The following PRKAG2 variants were observed in gnomAD, a reference collection of about 807,000 sequenced individuals.
The protein encoded by PRKAG2 is protein kinase AMP-activated non-catalytic subunit gamma 2.
Under a neutral mutation model 69.6 loss-of-function variants are expected in PRKAG2, and 26 were observed. The observed-to-expected ratio is 0.37, with a 90% CI of 0.27 to 0.52. The LOEUF is 0.52. PRKAG2 is among the 20% of genes least tolerant of loss of function. PRKAG2 has a pLI of 0.90. For synonymous variants in PRKAG2, 293 were observed against 285.0 expected (o/e 1.03, Z -0.28); for missense variants, 557 against 740.0 (o/e 0.75, Z 2.87).
chr7:151,691,683 T>C (rs950900229), intron 3 of PRKAG2, among the ~76,000 whole-genome samples: 31 of 152,310 alleles, frequency 2.0e-4, no homozygotes, highest in African/African-American at 6.5e-4. Context: ...TGACAATGAT[T>C]TGGAACAACA....
chr7:151,717,100 A>C (rs1796302916), intron 3 of PRKAG2, among the ~76,000 whole-genome samples: 1 of 152,138 alleles, frequency 6.6e-6, no homozygotes, highest in African/African-American at 2.4e-5. Flanking sequence ...TATAAAAATT[A>C]GTCGAGTTGG....
chr7:151,873,191 T>C (rs1207852245), intron 1 of PRKAG2, among the ~76,000 whole-genome samples: 1 of 152,184 alleles, frequency 6.6e-6, no homozygotes, highest in East Asian at 1.9e-4. Flanking sequence ...GAGGCGTGGC[T>C]CTTCACCTGG....
chr7:151,743,481 T>G (rs1405046354), intron 3 of PRKAG2, among the ~76,000 whole-genome samples: 1 of 152,228 alleles, frequency 6.6e-6, no homozygotes, highest in Non-Finnish European at 1.5e-5. Flanking sequence ...GTGGCTGTTC[T>G]TTTAGATTTC....
intron 3 of PRKAG2, among the ~76,000 whole-genome samples, chr7:151,775,509 T>G (rs2076296770): frequency 6.6e-6 from 1 of 152,182 alleles, no homozygotes; most frequent in African/African-American, 2.4e-5. Context: ...ACACATTGTT[T>G]GCTTGTTAAA....
At chr7:151,870,154 T>TAGATAGAC (rs1159760978) in intron 1 of PRKAG2, among the ~76,000 whole-genome samples, 3 of 138,438 alleles carry the variant, frequency 2.2e-5, no homozygotes, top group Non-Finnish European at 4.8e-5. Flanking sequence ...GATAGATAGA[T>TAGATAGAC]AGGCAGGCAG....
At chr7:151,735,926 C>T (rs982165764) in intron 3 of PRKAG2, 40 of 1,536,344 alleles carry the variant, frequency 2.6e-5, no homozygotes, top group South Asian at 4.8e-5. Context: ...CTCCGACTGG[C>T]GCCTCTCCGT....
intron 4 of PRKAG2, among the ~76,000 whole-genome samples, chr7:151,647,791 A>T (rs141075604): frequency 2.0e-5 from 3 of 152,358 alleles, no homozygotes; most frequent in Admixed American, 6.5e-5. Context: ...AATATAAAAA[A>T]ATCCTAATAT....
intron 11 of PRKAG2, among the ~76,000 whole-genome samples, chr7:151,568,350 C>T (rs2151006468): frequency 6.6e-6 from 1 of 152,302 alleles, no homozygotes; most frequent in South Asian, 2.1e-4. Flanking sequence ...GTAAAAGCAA[C>T]ATAAAGCAAT....
chr7:151,560,980 G>C (rs955924844), intron 14 of PRKAG2, among the ~76,000 whole-genome samples: 8 of 152,188 alleles, frequency 5.3e-5, no homozygotes, highest in Non-Finnish European at 1.0e-4. Flanking sequence ...AGTAGCCACA[G>C]ACAGACCCAT....
At chr7:151,823,437 G>A (rs1468184503) in intron 1 of PRKAG2, among the ~76,000 whole-genome samples, 1 of 150,042 alleles carries the variant, frequency 6.7e-6, no homozygotes, top group East Asian at 2.0e-4. Flanking sequence ...GGAAATAGGG[G>A]CTGTTGAATT....
At chr7:151,834,578 A>G (rs2079105450) in intron 1 of PRKAG2, among the ~76,000 whole-genome samples, 1 of 152,230 alleles carries the variant, frequency 6.6e-6, no homozygotes, top group African/African-American at 2.4e-5. Context: ...CGGGCTGAAC[A>G]TCCCATCTCC....
At chr7:151,666,639 C>G (rs2151443294) in intron 4 of PRKAG2, among the ~76,000 whole-genome samples, 1 of 152,298 alleles carries the variant, frequency 6.6e-6, no homozygotes, top group South Asian at 2.1e-4. Context: ...AATCTGAAGG[C>G]TTGACTGGGG....
chr7:151,759,770 C>T (rs900202604), intron 3 of PRKAG2, among the ~76,000 whole-genome samples: 2 of 152,238 alleles, frequency 1.3e-5, no homozygotes, highest in Non-Finnish European at 2.9e-5. Flanking sequence ...CAGAGGTGGG[C>T]TCCGCCTGGC....
intron 1 of PRKAG2, among the ~76,000 whole-genome samples, chr7:151,834,416 A>G (rs540320795): frequency 8.5e-5 from 13 of 152,230 alleles, no homozygotes; most frequent in Non-Finnish European, 1.8e-4. Context: ...CATTGTTTTC[A>G]GGGGAGGTGC....
intron 3 of PRKAG2, among the ~76,000 whole-genome samples, chr7:151,743,518 C>T (rs1004868392): frequency 3.9e-5 from 6 of 152,124 alleles, no homozygotes; most frequent in African/African-American, 1.4e-4. Flanking sequence ...TTTGACAACT[C>T]GAAAAAGAAA....
At chr7:151,860,208 G>A (rs572968351) in intron 1 of PRKAG2, among the ~76,000 whole-genome samples, 15 of 152,332 alleles carry the variant, frequency 9.8e-5, no homozygotes, top group African/African-American at 2.9e-4. Flanking sequence ...TCCAGCCTCC[G>A]TGGAGCCCCT....
chr7:151,632,111 C>G lies in PRKAG2; in HGVS notation c.712G>C (p.Ala238Pro). Reference sequence around the variant, plus strand: ...AGCTTCTCCAGCATGCCGGCTTCCGCGGGTCCCAGGGCCGCCGCCAGCGCC... The same window carrying G: ...AGCTTCTCCAGCATGCCGGCTTCCGGGGGTCCCAGGGCCGCCGCCAGCGCC... ...AAALAAALGPAEAGMLEKLEF... is the reference protein window; with the variant it reads ...AAALAAALGPPEAGMLEKLEF... Residue 238 changes from alanine (A) to proline (P), a missense_variant, in exon 5 of 16, where the codon GCG (alanine) becomes CCG (proline). Transcript: ENST00000287878. The surrounding 1 kb of genome is among the most constrained non-coding windows in gnomAD (Gnocchi z 4.2). 1 of 1,414,474 alleles carries G rather than the reference C, an allele frequency of 7.1e-7. No individual in the cohort carries two copies. The highest frequency in any genetic ancestry group is 1.4e-5 in the South Asian group (1 of 73,298). 87.6% of individuals were successfully genotyped at this position (1,414,474 alleles called of 1,614,324 possible). A position where few individuals can be genotyped will look rare whatever the true frequency, so the allele number is the denominator to read the frequency against.
intron 3 of PRKAG2, among the ~76,000 whole-genome samples, chr7:151,773,825 C>T (rs1479126152): frequency 6.6e-6 from 1 of 152,194 alleles, no homozygotes; most frequent in African/African-American, 2.4e-5. Context: ...CCTGCAGCCA[C>T]TCAGCCACGT....
rs1265462032 is a variant in PRKAG2, at chr7:151,632,145, G to GGGAGGA, written c.685-13_685-8dup. ...GGGCCGCCGCCAGCGCCGCCTGAGG[G>GGGAGGA]GGAGGAGGAGGACAGCGATCAGCAT... is the stretch of plus-strand genomic sequence containing the variant. On this transcript the variant is annotated splice_region_variant and splice_polypyrimidine_tract_variant and intron_variant, in intron 4 of 15. Coordinates refer to ENST00000287878, the MANE Select transcript of PRKAG2 (RefSeq NM_016203.4). This position sits in a 1 kb window ranked among gnomAD's most constrained non-coding sequence, Gnocchi z 4.2. 1 of 1,392,042 alleles carries GGGAGGA rather than the reference G, an allele frequency of 7.2e-7. No homozygotes were observed. Among genetic ancestry groups the GGGAGGA allele is most frequent in the Non-Finnish European group, 9.4e-7 (1 of 1,059,422 alleles). The allele number at this position is 1,392,042 out of a possible 1,614,324, so 86.2% of individuals were successfully genotyped here. A position where few individuals can be genotyped will look rare whatever the true frequency, so the allele number is the denominator to read the frequency against.
Sources: allele counts gnomAD v4.1 joint callset (sites outside exome capture counted in the v4.1 genomes callset), GRCh38; gene constraint gnomAD v4.1.1; non-coding constraint Gnocchi (gnomAD v3.1); transcripts MANE v1.5; gene names NCBI Gene and HGNC (gene_info 2026-07-23, HGNC 2026-07-21).